LRRK2: variants seen among roughly 807,000 people sequenced by gnomAD.
LRRK2 encodes leucine-rich repeat serine/threonine-protein kinase 2.
A neutral mutation model predicts 302.6 loss-of-function variants in LRRK2; 203 were observed. The ratio of observed to expected loss-of-function variants is 0.67; its 90% confidence interval spans 0.60 to 0.75. The LOEUF (loss-of-function observed/expected upper bound fraction) is 0.75, where lower values mean the gene tolerates loss of function less well. LRRK2 is among the 30% of genes least tolerant of loss of function. LRRK2 has a pLI of 0.00. For synonymous variants in LRRK2, 1,066 were observed against 1,031.9 expected (o/e 1.03, Z -0.63); for missense variants, 2,830 against 2,951.0 (o/e 0.96, Z 0.95).
At chr12:40,316,537 G>T (rs1332655401) in intron 33 of LRRK2, among the ~76,000 whole-genome samples, 1 of 151,970 alleles carries the variant, frequency 6.6e-6, no homozygotes, top group Admixed American at 6.6e-5. Context: ...CTTGACCTAC[G>T]TTTCAGTCTC....
intron 2 of LRRK2, among the ~76,000 whole-genome samples, chr12:40,230,753 G>A (rs1336768941): frequency 6.6e-6 from 1 of 150,756 alleles, no homozygotes; most frequent in African/African-American, 2.4e-5. Flanking sequence ...TAGAGAGGGA[G>A]GAGTCTACAG....
intron 43 of LRRK2, among the ~76,000 whole-genome samples, chr12:40,350,744 G>T (rs1351245069): frequency 6.6e-6 from 1 of 151,964 alleles, no homozygotes; most frequent in Non-Finnish European, 1.5e-5. Flanking sequence ...TTAGTCACAT[G>T]AACTTTTATA....
intron 19 of LRRK2, among the ~76,000 whole-genome samples, chr12:40,285,910 C>T (rs768948944): frequency 5.3e-5 from 8 of 151,976 alleles, no homozygotes; most frequent in Non-Finnish European, 1.0e-4. Context: ...ATAAAACCCT[C>T]CAGAAATGGG....
rs1400889955 is a variant in LRRK2 at position 40,368,633 on chromosome 12, A to G, written c.*868A>G. On this transcript the variant is annotated 3_prime_UTR_variant, in exon 51 of 51. Coordinates refer to ENST00000298910, the MANE Select transcript of LRRK2 (RefSeq NM_198578.4). ...TAATCTGCTTCATTCTAATGCTTAT[A>G]TTCATCTTTTCCCTAAATTTGTGAT... 6.6e-6 allele frequency: 1 copy of G among 151,384 alleles called. No homozygotes were observed. The highest frequency in any genetic ancestry group is 2.4e-5 in the African/African-American group (1 of 41,262). 9.4% of individuals were successfully genotyped at this position (151,384 alleles called of 1,614,324 possible). A position where few individuals can be genotyped will look rare whatever the true frequency, so the allele number is the denominator to read the frequency against.
chr12:40,316,362 C>A, intron 33 of LRRK2: 1 of 984,034 alleles, frequency 1.0e-6, no homozygotes, highest in Non-Finnish European at 1.2e-6. Flanking sequence ...TGAAACATTG[C>A]AATCAGCAAT....
At chr12:40,252,454 G>A (rs1025865699) in intron 10 of LRRK2, among the ~76,000 whole-genome samples, 6 of 151,948 alleles carry the variant, frequency 3.9e-5, no homozygotes, top group Admixed American at 2.0e-4. Context: ...GATTCATGTC[G>A]CAGTTTATAA....
At chr12:40,230,526 C>G (rs1156533256) in intron 2 of LRRK2, among the ~76,000 whole-genome samples, 2 of 151,982 alleles carry the variant, frequency 1.3e-5, no homozygotes, top group Non-Finnish European at 2.9e-5. Flanking sequence ...TAAGCTCTAC[C>G]TCTTCATATT....
intron 39 of LRRK2, among the ~76,000 whole-genome samples, chr12:40,332,960 TA>T (rs35031086): frequency 3.4e-4 from 48 of 142,022 alleles, no homozygotes; most frequent in Admixed American, 4.9e-4. Flanking sequence ...CTTCTTCTCT[TA>T]AAAAAAAAAA....
chr12:40,264,935 T>C (rs1178124529), intron 14 of LRRK2, among the ~76,000 whole-genome samples: 3 of 152,192 alleles, frequency 2.0e-5, no homozygotes, highest in Non-Finnish European at 1.5e-5. Flanking sequence ...AAGACATAAT[T>C]AGTGTGAACA....
intron 7 of LRRK2, among the ~76,000 whole-genome samples, chr12:40,248,709 G>A (rs1362430690): frequency 6.6e-6 from 1 of 152,172 alleles, no homozygotes; most frequent in Non-Finnish European, 1.5e-5. Context: ...TTTCACACAA[G>A]TTACCTGAAC....
intron 38 of LRRK2, among the ~76,000 whole-genome samples, chr12:40,326,488 AG>A (rs1470354609): frequency 6.7e-6 from 1 of 150,074 alleles, no homozygotes; most frequent in Non-Finnish European, 1.5e-5. Flanking sequence ...AAAAAAAAAA[AG>A]AAAAAAAAAA....
intron 28 of LRRK2, among the ~76,000 whole-genome samples, chr12:40,307,833 G>A (rs1311139328): frequency 7.2e-6 from 1 of 139,152 alleles, no homozygotes; most frequent in Non-Finnish European, 1.5e-5. Flanking sequence ...CCAGGCTGGA[G>A]TGCAGTGGCC....
At chr12:40,314,419 A>G (rs1945143452) in intron 32 of LRRK2, among the ~76,000 whole-genome samples, 3 of 152,056 alleles carry the variant, frequency 2.0e-5, no homozygotes, top group South Asian at 4.1e-4. Context: ...CCTGAGTGGG[A>G]GTTAAAATAT....
intron 7 of LRRK2, among the ~76,000 whole-genome samples, chr12:40,243,948 T>C (rs1482916638): frequency 6.6e-6 from 1 of 152,132 alleles, no homozygotes; most frequent in Non-Finnish European, 1.5e-5. Context: ...CTTATTTTTA[T>C]AGATGTAGTT....
intron 46 of LRRK2, among the ~76,000 whole-genome samples, chr12:40,356,924 G>A (rs943812464): frequency 2.0e-5 from 3 of 152,160 alleles, no homozygotes; most frequent in Non-Finnish European, 2.9e-5. Flanking sequence ...ATCACCATGA[G>A]CATTTATTTC....
chr12:40,249,953 A>C lies in LRRK2; in HGVS notation c.958+8A>C. ...GCTGTTTGGCCCTCCTCAGTAAGTAACTTCACTAAAAAGGGGATTCTTACA... is the reference window on the plus strand; with the variant it reads ...GCTGTTTGGCCCTCCTCAGTAAGTACCTTCACTAAAAAGGGGATTCTTACA... On this transcript the variant is annotated splice_region_variant and intron_variant, in intron 8 of 50. Coordinates refer to ENST00000298910, the MANE Select transcript of LRRK2 (RefSeq NM_198578.4). The C allele has an allele frequency of 6.2e-7, 1 of 1,613,392 alleles. No individual in the cohort carries two copies. The highest frequency in any genetic ancestry group is 8.5e-7 in the Non-Finnish European group (1 of 1,179,564).
chr12:40,235,553 A>C (rs1941412092), intron 3 of LRRK2, 73 bp from the exon 4 acceptor site: 2 of 955,944 alleles, frequency 2.1e-6, no homozygotes, highest in African/African-American at 1.6e-5. Context: ...ATAGGTGAGC[A>C]AAAAAAATGC....
intron 2 of LRRK2, among the ~76,000 whole-genome samples, chr12:40,228,851 T>C (rs1332636978): frequency 2.0e-5 from 3 of 152,218 alleles, no homozygotes; most frequent in African/African-American, 7.2e-5. Flanking sequence ...CTCACTGCCC[T>C]CCTGGAAATA....
intron 11 of LRRK2, among the ~76,000 whole-genome samples, chr12:40,255,231 A>C (rs1033019372): frequency 6.6e-6 from 1 of 152,210 alleles, no homozygotes; most frequent in Non-Finnish European, 1.5e-5. Context: ...GGCAGTTAAG[A>C]ATAAAAAATG....
Sources: gnomAD v4.1 joint callset for allele counts (sites outside exome capture counted in the v4.1 genomes callset) on GRCh38, gnomAD v4.1.1 for gene constraint, MANE v1.5 for transcripts, NCBI Gene and HGNC (gene_info 2026-07-23, HGNC 2026-07-21) for gene names.